Variants in RAD54L observed in about 807,000 individuals in gnomAD.
RAD54L encodes the protein RAD54 like.
A neutral mutation model predicts 91.6 loss-of-function variants in RAD54L; 74 were observed. The observed-to-expected ratio is 0.81, with a 90% confidence interval of 0.67 to 0.98. The LOEUF is 0.98. Ranked by LOEUF, RAD54L falls within the 50% of genes least tolerant of loss-of-function variation. The pLI is 0.00. For missense variants in RAD54L, 887 were observed against 945.7 expected (o/e 0.94, Z 0.81); for synonymous variants, 304 against 349.7 (o/e 0.87, Z 1.46).
At chr1:46,254,356 T>C (rs1659884332) in intron 3 of RAD54L, among the ~76,000 whole-genome samples, 1 of 151,590 alleles carries the variant, frequency 6.6e-6, no homozygotes, top group Non-Finnish European at 1.5e-5. Context: ...ACAAGAGTCA[T>C]AGTGTGGCCT....
At chr1:46,249,101 C>T (rs1384452690) in intron 2 of RAD54L, among the ~76,000 whole-genome samples, 2 of 152,126 alleles carry the variant, frequency 1.3e-5, no homozygotes, top group East Asian at 1.9e-4. Flanking sequence ...CTTGTTGGGG[C>T]TGGCTGTGGG....
rs558774430 is a variant in RAD54L, at chr1:46,249,986, A to T, written c.91-14A>T. 7.7e-5 allele frequency: 125 copies of T among 1,613,576 alleles called. 1 individual carries two copies. In the South Asian group the frequency reaches 1.3e-3, roughly 17 times the overall value. ...GGTCTTCTAGACTTCACCTTTCCCAATTCTCTCTCCTAGACTCCTAGGAAA... is the reference window on the plus strand; with the variant it reads ...GGTCTTCTAGACTTCACCTTTCCCATTTCTCTCTCCTAGACTCCTAGGAAA... On this transcript the variant is annotated splice_polypyrimidine_tract_variant and intron_variant, in intron 2 of 17. Coordinates refer to ENST00000371975, the MANE Select transcript of RAD54L (RefSeq NM_003579.4).
At chr1:46,249,929 C>T in intron 2 of RAD54L, 71 bp from the exon 3 acceptor site, 1 of 1,548,332 alleles carries the variant, frequency 6.5e-7, no homozygotes, top group Non-Finnish European at 8.9e-7. Context: ...ATAAGCACTT[C>T]AAGTGTTAGT....
At chr1:46,270,329 C>T (rs1052203151) in intron 9 of RAD54L, among the ~76,000 whole-genome samples, 1 of 151,974 alleles carries the variant, frequency 6.6e-6, no homozygotes, top group Non-Finnish European at 1.5e-5. Context: ...AGATTGCACT[C>T]CAGCCTGGGT....
At chr1:46,277,489 T>A in intron 16 of RAD54L, 1 of 413,878 alleles carries the variant, frequency 2.4e-6, no homozygotes, top group Non-Finnish European at 4.5e-6. Context: ...TGATATTTAT[T>A]GAATGAGTTA....
rs906943045 is a variant in RAD54L at position 46,263,641 on chromosome 1, G to C, written c.891+2256G>C. Among the ~76,000 whole-genome samples the C allele has an allele frequency of 3.3e-5, 5 of 152,106 alleles. No homozygotes were observed. Among genetic ancestry groups the C allele is most frequent in the Admixed American group, 6.6e-5 (1 of 15,256 alleles). On this transcript the variant is annotated intron_variant, in intron 8 of 17. Coordinates refer to ENST00000371975, the MANE Select transcript of RAD54L (RefSeq NM_003579.4). The surrounding 1 kb of genome is among the most constrained non-coding windows in gnomAD (Gnocchi z 4.3). ...AGGGAACTTACCAGGTTGAGGTGAG[G>C]TATGCATGTTACTGCCCTGTGGTTC...
rs200520187 is a variant in RAD54L at position 46,260,741 on chromosome 1, G to T, written c.492G>T (p.Leu164=). The T allele has an allele frequency of 1.3e-4, 206 of 1,614,116 alleles. No individual in the cohort carries two copies. Among genetic ancestry groups the T allele is most frequent in the Non-Finnish European group, 1.6e-4 (191 of 1,180,056 alleles). Residue 164 remains leucine (L), a synonymous_variant, in exon 7 of 18, where the codon CTG becomes CTT. Coordinates refer to ENST00000371975, the MANE Select transcript of RAD54L (RefSeq NM_003579.4). ...RPHQREGVKF[L]WECVTSRRIP... ...TTATTCTCTAGGGAGTGAAATTCCTGTGGGAGTGTGTCACCAGTCGGCGCA... is the reference window on the plus strand; with the variant it reads ...TTATTCTCTAGGGAGTGAAATTCCTTTGGGAGTGTGTCACCAGTCGGCGCA...
Position 46,270,747 on chromosome 1 carries a change from A to G in RAD54L, c.1131A>G (p.Gly377=). 1 of 1,614,210 alleles carries G rather than the reference A, an allele frequency of 6.2e-7. No individual in the cohort carries two copies. The highest frequency in any genetic ancestry group is 8.5e-7 in the Non-Finnish European group (1 of 1,180,022). The change falls in exon 10 of 18, where the codon GGA becomes GGG. Residue 377 remains glycine, a synonymous_variant. Transcript: ENST00000371975. ...CTAGTGAGGCAGACAGGCAGCTAGG[A>G]GAGGAGCGGCTGCGGGAGCTCACCA... ...AAASEADRQL[G]EERLRELTSI...
chr1:46,271,726 T>TA (rs1359393649), intron 10 of RAD54L, among the ~76,000 whole-genome samples: 1 of 152,172 alleles, frequency 6.6e-6, no homozygotes, highest in Non-Finnish European at 1.5e-5. Context: ...AGGTGCCTGA[T>TA]ACCTATCCTT....
Position 46,261,299 on chromosome 1 carries a change from C to A in RAD54L, c.805C>A (p.Pro269Thr). The change falls in exon 8 of 18, where the codon CCC (proline) becomes ACC (threonine). Residue 269 changes from proline to threonine, a missense_variant. Pro to Thr is a conservative substitution (Grantham distance 38). Coordinates refer to ENST00000371975, the MANE Select transcript of RAD54L (RefSeq NM_003579.4). Reference sequence around the variant, plus strand: ...CCAGCGTGGAGCCAGGGTGTCTTCTCCCATCCTCATCATTTCCTATGAGAC... The same window carrying A: ...CCAGCGTGGAGCCAGGGTGTCTTCTACCATCCTCATCATTTCCTATGAGAC... ...MNQRGARVSS[P>T]ILIISYETFR... 6.2e-7 allele frequency: 1 copy of A among 1,612,968 alleles called. No homozygotes were observed. The highest frequency in any genetic ancestry group is 8.5e-7 in the Non-Finnish European group (1 of 1,179,796).
At chr1:46,250,604 T>C (rs1659771093) in intron 3 of RAD54L, among the ~76,000 whole-genome samples, 1 of 152,154 alleles carries the variant, frequency 6.6e-6, no homozygotes, top group Non-Finnish European at 1.5e-5. Flanking sequence ...TCCACTAAGC[T>C]TTATGAGGAA....
intron 2 of RAD54L, among the ~76,000 whole-genome samples, 182 bp from the exon 3 acceptor site, chr1:46,249,818 C>G (rs1280722670): frequency 1.3e-5 from 2 of 152,182 alleles, no homozygotes; most frequent in African/African-American, 2.4e-5. Flanking sequence ...CTCTAGTTTT[C>G]TCACCTCTTA....
Position 46,260,918 on chromosome 1 carries a change from G to T in RAD54L, c.669G>T (p.Val223=). ...TGGTGGTGTCGCCTTCCAGCCTGGTGAAGAACTGGTACAATGAGGTTGGGA... is the reference window on the plus strand; with the variant it reads ...TGGTGGTGTCGCCTTCCAGCCTGGTTAAGAACTGGTACAATGAGGTTGGGA... The part of the protein sequence containing the change: ...KAVVVSPSSL[V]KNWYNEVGKW... Residue 223 remains valine (V), a synonymous_variant, in exon 7 of 18, where the codon GTG becomes GTT. Transcript: ENST00000371975. 6.2e-7 allele frequency: 1 copy of T among 1,614,250 alleles called. No individual in the cohort carries two copies. Among genetic ancestry groups the T allele is most frequent in the Non-Finnish European group, 8.5e-7 (1 of 1,180,046 alleles).
At chr1:46,249,065 C>T (rs978618167) in intron 2 of RAD54L, among the ~76,000 whole-genome samples, 2 of 152,110 alleles carry the variant, frequency 1.3e-5, no homozygotes, top group Admixed American at 1.3e-4. Flanking sequence ...AGGTTGGGCC[C>T]TGGGCTCTGC....
At chr1:46,253,587 C>T (rs1236463842) in intron 3 of RAD54L, among the ~76,000 whole-genome samples, 1 of 151,334 alleles carries the variant, frequency 6.6e-6, no homozygotes, top group East Asian at 1.9e-4. Context: ...TGCGCTCCAG[C>T]CTGGTGACAG....
intron 4 of RAD54L, 137 bp from the exon 5 acceptor site, chr1:46,259,827 T>C: frequency 2.6e-6 from 3 of 1,140,172 alleles, no homozygotes; most frequent in Non-Finnish European, 3.9e-6. Flanking sequence ...ATGCCCAAAC[T>C]GAGTTTGGAG....
At chr1:46,253,849 A>G (rs1403232087) in intron 3 of RAD54L, among the ~76,000 whole-genome samples, 3 of 149,914 alleles carry the variant, frequency 2.0e-5, no homozygotes, top group Non-Finnish European at 3.0e-5. Flanking sequence ...TGGTGAGCTA[A>G]CACTGCACTT....
chr1:46,277,813 C>T lies in RAD54L; in HGVS notation c.1870-4C>T, dbSNP rs949349864. 10 of 1,603,984 alleles carry T rather than the reference C, an allele frequency of 6.2e-6. No individual in the cohort carries two copies. Among genetic ancestry groups the T allele is most frequent in the Non-Finnish European group, 8.5e-6 (10 of 1,171,146 alleles). On this transcript the variant is annotated splice_polypyrimidine_tract_variant and splice_region_variant and intron_variant, in intron 16 of 17. Coordinates refer to ENST00000371975, the MANE Select transcript of RAD54L (RefSeq NM_003579.4). ...TTTGACATTCCCCACCTCCTCTTCC[C>T]CAGGCAGGGACCATTGAGGAGAAGA...
chr1:46,267,635 A>G (rs1351629013), intron 9 of RAD54L, 26 bp downstream of exon 9: 2 of 1,584,398 alleles, frequency 1.3e-6, no homozygotes, highest in Admixed American at 3.3e-5. Context: ...TGTTTGCCAC[A>G]TCAGAGAGGA....
Sources: allele counts gnomAD v4.1 joint callset (sites outside exome capture counted in the v4.1 genomes callset), GRCh38; gene constraint gnomAD v4.1.1; non-coding constraint Gnocchi (gnomAD v3.1); transcripts MANE v1.5; gene names NCBI Gene and HGNC (gene_info 2026-07-23, HGNC 2026-07-21).